The following C12orf56 variants were observed in gnomAD, a reference collection of about 807,000 sequenced individuals.
C12orf56 encodes uncharacterized protein C12orf56.
C12orf56 carries 71 observed loss-of-function variants against 69.9 expected under a neutral mutation model. The ratio of observed to expected loss-of-function variants is 1.02; its 90% confidence interval spans 0.84 to 1.24. The LOEUF (loss-of-function observed/expected upper bound fraction) is 1.24, where lower values mean the gene tolerates loss of function less well. Ranked by LOEUF, C12orf56 falls within the 50% of genes most tolerant of loss-of-function variation. C12orf56 has a pLI of 0.00. For missense variants in C12orf56, 732 were observed against 738.5 expected, an observed-to-expected ratio of 0.99 and a Z score of 0.10; for synonymous variants, 276 against 274.1, an observed-to-expected ratio of 1.01 and a Z score of -0.07.
chr12:64,270,543 C>T lies in C12orf56; in HGVS notation c.1756G>A (p.Glu586Lys). The change falls in exon 12 of 13, where the codon GAA becomes AAA. Residue 586 changes from glutamate (E) to lysine (K), a missense_variant. By Grantham distance (56) the Glu-to-Lys change is moderately conservative. Coordinates refer to ENST00000543942, the MANE Select transcript of C12orf56 (RefSeq NM_001170633.2). ...AEYIRNNYRE[E>K]FRYFIHMPAL... ...TCAGACATTTTTTCTTACCTGAATTCTTCTCTGTAGTTATTCCTAATATAC... is the reference window on the plus strand; with the variant it reads ...TCAGACATTTTTTCTTACCTGAATTTTTCTCTGTAGTTATTCCTAATATAC... 6.4e-7 allele frequency: 1 copy of T among 1,555,150 alleles called. No individual in the cohort carries two copies. Among genetic ancestry groups the T allele is most frequent in the Admixed American group, 2.1e-5 (1 of 46,564 alleles).
intron 11 of C12orf56, among the ~76,000 whole-genome samples, chr12:64,274,079 C>T (rs1480306367): frequency 2.0e-5 from 3 of 152,222 alleles, no homozygotes; most frequent in Admixed American, 1.3e-4. Flanking sequence ...GAGGGAATCT[C>T]CCCTGTCACG....
intron 2 of C12orf56, among the ~76,000 whole-genome samples, chr12:64,350,929 T>C (rs1425342794): frequency 7.6e-6 from 1 of 132,324 alleles, no homozygotes; most frequent in East Asian, 2.2e-4. Context: ...GAAATTATAT[T>C]TCAAAACTTA....
chr12:64,331,096 C>T (rs1219287280), intron 2 of C12orf56, 64 bp from the exon 3 acceptor site: 2 of 1,330,642 alleles, frequency 1.5e-6, no homozygotes, highest in African/African-American at 1.5e-5. Context: ...TGAAGAAGAC[C>T]TAGTCTCATG....
rs1336926571 is a variant in C12orf56 at position 64,308,968 on chromosome 12, AAAGAAAAGAAAG to A, written c.968+3699_968+3710del. ...GAAAGAAAGAAAGAAAGAAAGAAAG[AAAGAAAAGAAAG>A]AAAGAAAAGAAAGAAGGAAAGAAAG... On this transcript the variant is annotated intron_variant, in intron 5 of 12. Coordinates refer to ENST00000543942, the MANE Select transcript of C12orf56 (RefSeq NM_001170633.2). 9.5e-4 allele frequency among the ~76,000 whole-genome samples: 115 copies of A among 120,570 alleles called. 6 individuals carry two copies. Among genetic ancestry groups the A allele is most frequent in the South Asian group, 2.7e-3 (10 of 3,742 alleles). 79.1% of individuals were successfully genotyped at this position (120,570 alleles called of 152,430 possible). A position where few individuals can be genotyped will look rare whatever the true frequency, so the allele number is the denominator to read the frequency against.
Position 64,366,293 on chromosome 12 carries a change from TTATA to T in C12orf56, c.253-13241_253-13238del, listed in dbSNP as rs572520442. Reference sequence around the variant, plus strand: ...TTATATATTATATATAATATACAGTTTATATATTATATATTATATACAGTTTATT... The same window carrying T: ...TTATATATTATATATAATATACAGTTTATTATATATTATATACAGTTTATT... On this transcript the variant is annotated intron_variant, in intron 1 of 12. Transcript: ENST00000543942. Among the ~76,000 whole-genome samples, 184 of 18,410 alleles carry T rather than the reference TTATA, an allele frequency of 1.0e-2. 4 individuals carry two copies. Among genetic ancestry groups the T allele is most frequent in the Non-Finnish European group, 0.017 (149 of 8,730 alleles). 12.1% of individuals were successfully genotyped at this position (18,410 alleles called of 152,430 possible). A position where few individuals can be genotyped will look rare whatever the true frequency, so the allele number is the denominator to read the frequency against.
chr12:64,343,857 C>T (rs1350119767), intron 2 of C12orf56, among the ~76,000 whole-genome samples: 1 of 152,146 alleles, frequency 6.6e-6, no homozygotes, highest in Non-Finnish European at 1.5e-5. Flanking sequence ...TTGGCCTTTC[C>T]CACCATAATA....
intron 3 of C12orf56, among the ~76,000 whole-genome samples, chr12:64,322,004 TTTATTA>T (rs71092955): frequency 6.7e-6 from 1 of 148,498 alleles, no homozygotes; most frequent in Admixed American, 6.8e-5. Flanking sequence ...ATTTATTTAA[TTTATTA>T]TTATTATTAT....
chr12:64,354,347 G>T (rs2039277030), intron 1 of C12orf56, among the ~76,000 whole-genome samples: 1 of 152,180 alleles, frequency 6.6e-6, no homozygotes, highest in African/African-American at 2.4e-5. Context: ...GGCAGAGGCA[G>T]GGGAATCACT....
intron 1 of C12orf56, among the ~76,000 whole-genome samples, chr12:64,354,441 T>C (rs752822960): frequency 1.3e-5 from 2 of 151,842 alleles, no homozygotes; most frequent in Admixed American, 1.3e-4. Flanking sequence ...CTGAGCAACA[T>C]AGCAAGATCC....
chr12:64,319,039 G>A, intron 3 of C12orf56, 59 bp from the exon 4 acceptor site: 1 of 1,377,188 alleles, frequency 7.3e-7, no homozygotes, highest in Non-Finnish European at 9.5e-7. Flanking sequence ...AAGCAACAAA[G>A]AGAACCGGTA....
chr12:64,374,891 G>C (rs1439103080), intron 1 of C12orf56, among the ~76,000 whole-genome samples: 1 of 152,010 alleles, frequency 6.6e-6, no homozygotes, highest in African/African-American at 2.4e-5. Context: ...GAATGTGCAG[G>C]TTTGCTATTA....
intron 2 of C12orf56, among the ~76,000 whole-genome samples, chr12:64,332,794 C>T (rs987565186): frequency 2.6e-5 from 4 of 152,198 alleles, no homozygotes; most frequent in Non-Finnish European, 4.4e-5. Context: ...GTCTTTGGAG[C>T]GGGCTGGACC....
At chr12:64,367,607 G>A (rs1407533314) in intron 1 of C12orf56, among the ~76,000 whole-genome samples, 1 of 150,732 alleles carries the variant, frequency 6.6e-6, no homozygotes, top group East Asian at 1.9e-4. Flanking sequence ...CTGGGTTCAA[G>A]CGATTCTCCT....
intron 2 of C12orf56, among the ~76,000 whole-genome samples, chr12:64,343,111 T>A (rs1329995453): frequency 2.0e-5 from 3 of 152,206 alleles, no homozygotes; most frequent in African/African-American, 7.2e-5. Context: ...GCATTGTGGC[T>A]CTTTCTTGGT....
chr12:64,352,665 G>T (rs2039245452), intron 2 of C12orf56, among the ~76,000 whole-genome samples: 1 of 152,138 alleles, frequency 6.6e-6, no homozygotes, highest in Admixed American at 6.5e-5. Context: ...CAATCTGTGA[G>T]GTGAGAGCCA....
intron 8 of C12orf56, among the ~76,000 whole-genome samples, chr12:64,278,925 A>G (rs946970255): frequency 6.6e-6 from 1 of 152,174 alleles, no homozygotes; most frequent in African/African-American, 2.4e-5. Context: ...AGTTTCATCC[A>G]TGTTGTCACA....
chr12:64,375,577 G>A (rs1400920654), intron 1 of C12orf56, among the ~76,000 whole-genome samples: 1 of 152,154 alleles, frequency 6.6e-6, no homozygotes, highest in Admixed American at 6.5e-5. Context: ...TTGAAGATGA[G>A]GAGCATAGAG....
At chr12:64,332,302 C>CAAA (rs10680877) in intron 2 of C12orf56, among the ~76,000 whole-genome samples, 2,446 of 100,264 alleles carry the variant, frequency 0.024, 107 homozygotes, top group Non-Finnish European at 0.037. Flanking sequence ...GACTCCATCT[C>CAAA]AAAAAAAAAA....
At chr12:64,388,101 CTGAGA>C (rs1368030814) in intron 1 of C12orf56, among the ~76,000 whole-genome samples, 1 of 152,120 alleles carries the variant, frequency 6.6e-6, no homozygotes, top group African/African-American at 2.4e-5. Context: ...TCCTGAGCAG[CTGAGA>C]TAACAGGCAT....
Sources: allele counts gnomAD v4.1 joint callset (sites outside exome capture counted in the v4.1 genomes callset), GRCh38; gene constraint gnomAD v4.1.1; transcripts MANE v1.5; gene names NCBI Gene and HGNC (gene_info 2026-07-23, HGNC 2026-07-21).